RAD51: variants seen among roughly 807,000 people sequenced by gnomAD.
RAD51 encodes DNA repair protein RAD51 homolog 1.
Under a neutral mutation model 41.5 loss-of-function variants are expected in RAD51, and 14 were observed. That is an observed-to-expected ratio of 0.34 (90% CI 0.22 to 0.53). RAD51 has a LOEUF of 0.53. RAD51 is among the 20% of genes least tolerant of loss of function. The pLI is 0.95. For synonymous variants in RAD51, 136 were observed against 148.6 expected (o/e 0.92, Z 0.62); for missense variants, 234 against 422.0 (o/e 0.55, Z 3.90).
At chr15:40,717,395 A>G (rs1230371893) in intron 5 of RAD51, among the ~76,000 whole-genome samples, 2 of 152,176 alleles carry the variant, frequency 1.3e-5, no homozygotes, top group African/African-American at 4.8e-5. Flanking sequence ...AAAATGTTCT[A>G]AAGGATTTTC....
chr15:40,729,693 C>A (rs1273360575), intron 8 of RAD51, 59 bp downstream of exon 8: 1 of 1,612,254 alleles, frequency 6.2e-7, no homozygotes, highest in South Asian at 1.1e-5. Flanking sequence ...ATTCCAGGAG[C>A]CTTGCTAGGA....
intron 1 of RAD51, among the ~76,000 whole-genome samples, chr15:40,697,258 G>C (rs577326479): frequency 7.9e-5 from 12 of 152,100 alleles, no homozygotes; most frequent in East Asian, 3.9e-4. Context: ...GTGCCACCAC[G>C]CCCAGCTAAT....
At chr15:40,697,813 A>C (rs45559631) in intron 1 of RAD51, among the ~76,000 whole-genome samples, 17,220 of 152,142 alleles carry the variant, frequency 0.11, 1,183 homozygotes, top group African/African-American at 0.2. Flanking sequence ...GGCCTCCCAA[A>C]GTGCTGGGAT....
chr15:40,725,045 G>A (rs1366971141), intron 6 of RAD51, among the ~76,000 whole-genome samples: 8 of 150,738 alleles, frequency 5.3e-5, no homozygotes, highest in African/African-American at 1.2e-4. Context: ...GACTACAGGC[G>A]CCCGCCACCG....
At chr15:40,708,639 A>G (rs963345499) in intron 4 of RAD51, among the ~76,000 whole-genome samples, 3 of 152,170 alleles carry the variant, frequency 2.0e-5, no homozygotes, top group Admixed American at 6.5e-5. Flanking sequence ...GCTAGAGTGC[A>G]CTGGCACGAT....
At chr15:40,721,312 A>G (rs1031216636) in intron 6 of RAD51, among the ~76,000 whole-genome samples, 7 of 152,218 alleles carry the variant, frequency 4.6e-5, no homozygotes, top group African/African-American at 9.6e-5. Context: ...TGGAAATGCA[A>G]AGGACCCAGA....
At chr15:40,727,480 T>G (rs755442441) in intron 6 of RAD51, among the ~76,000 whole-genome samples, 3 of 151,936 alleles carry the variant, frequency 2.0e-5, no homozygotes, top group Admixed American at 6.6e-5. Context: ...CCAACCCGGC[T>G]ACATTTTGTA....
chr15:40,713,327 C>T (rs1049607665), intron 5 of RAD51, among the ~76,000 whole-genome samples: 1 of 150,912 alleles, frequency 6.6e-6, no homozygotes, highest in Non-Finnish European at 1.5e-5. Flanking sequence ...TCACTGCAAC[C>T]TCCATCTCCT....
intron 9 of RAD51, among the ~76,000 whole-genome samples, chr15:40,730,581 G>C (rs1301680216): frequency 2.3e-5 from 3 of 131,300 alleles, no homozygotes; most frequent in Non-Finnish European, 4.6e-5. Context: ...GAGTGCAGTG[G>C]CACGATCTCG....
At chr15:40,705,905 C>T (rs1895306365) in intron 3 of RAD51, among the ~76,000 whole-genome samples, 2 of 152,088 alleles carry the variant, frequency 1.3e-5, no homozygotes, top group South Asian at 2.1e-4. Flanking sequence ...CGCACCCGGC[C>T]GGATCTATAA....
At chr15:40,726,855 A>T (rs879918891) in intron 6 of RAD51, among the ~76,000 whole-genome samples, 1 of 150,572 alleles carries the variant, frequency 6.6e-6, no homozygotes, top group Non-Finnish European at 1.5e-5. Context: ...GGAACTTGCA[A>T]TGAGCCGAGA....
chr15:40,719,933 TAAC>T (rs1896189300), intron 6 of RAD51, among the ~76,000 whole-genome samples: 1 of 151,998 alleles, frequency 6.6e-6, no homozygotes, highest in South Asian at 2.1e-4. Context: ...CACACACGCC[TAAC>T]AACAAAACCC....
chr15:40,712,927 G>A (rs556328045), intron 5 of RAD51, among the ~76,000 whole-genome samples: 7 of 133,478 alleles, frequency 5.2e-5, no homozygotes, highest in South Asian at 2.4e-4. Context: ...TGCCCAGGCT[G>A]TAGTGCAGTG....
At chr15:40,703,656 AGTCAGTAGTAAT>A (rs1371596234) in intron 3 of RAD51, among the ~76,000 whole-genome samples, 1 of 152,116 alleles carries the variant, frequency 6.6e-6, no homozygotes, top group Non-Finnish European at 1.5e-5. Context: ...ATTTACATAA[AGTCAGTAGTAAT>A]GTCCCCTCTT....
At chr15:40,724,161 C>T (rs1297162766) in intron 6 of RAD51, among the ~76,000 whole-genome samples, 2 of 152,112 alleles carry the variant, frequency 1.3e-5, no homozygotes. Flanking sequence ...TTGTCTCTGC[C>T]TACAAAATTC....
At position 40,695,279 on chromosome 15, in the gene RAD51, G is replaced by C. The variant is rs1017127653; in HGVS notation, c.-149G>C. The C allele has an allele frequency of 1.3e-5, 2 of 152,440 alleles. No homozygotes were observed. The highest frequency in any genetic ancestry group is 2.9e-5 in the Non-Finnish European group (2 of 68,194). The allele number at this position is 152,440 out of a possible 1,614,324, so 9.4% of individuals were successfully genotyped here. ...CAGCTGGGAACTGCAACTCATCTGG[G>C]TTGTGCGCAGAAGGCTGGGGCAAGC... On this transcript the variant is annotated 5_prime_UTR_variant, in exon 1 of 10. Transcript: ENST00000267868.
Position 40,728,808 on chromosome 15 carries a change from A to G in RAD51, c.628A>G (p.Met210Val). 6.2e-7 allele frequency: 1 copy of G among 1,612,798 alleles called. No homozygotes were observed. Among genetic ancestry groups the G allele is most frequent in the Non-Finnish European group, 8.5e-7 (1 of 1,178,750 alleles). Residue 210 changes from methionine to valine, a missense_variant, in exon 7 of 10, where the codon ATG (methionine) becomes GTG (valine). By Grantham distance (21) the Met-to-Val change is conservative. Around this residue, in one of 2 missense-constraint regions of RAD51, gnomAD observed 134 missense variants for 286.5 expected, o/e 0.47. Transcript: ENST00000267868. ...CCAGCTCCTTTATCAAGCATCAGCCATGATGGTAGAATCTAGGTATGTGTT... is the reference window on the plus strand; with the variant it reads ...CCAGCTCCTTTATCAAGCATCAGCCGTGATGGTAGAATCTAGGTATGTGTT... The part of the protein sequence containing the change: ...QTQLLYQASA[M>V]MVESRYALLI...
At chr15:40,730,355 A>AG (rs1305330156) in intron 9 of RAD51, among the ~76,000 whole-genome samples, 1 of 152,000 alleles carries the variant, frequency 6.6e-6, no homozygotes, top group Non-Finnish European at 1.5e-5. Flanking sequence ...TACAAAAAAA[A>AG]GTAGCTGGTG....
intron 6 of RAD51, 123 bp from the exon 7 acceptor site, chr15:40,728,588 T>G (rs1896709003): frequency 1.2e-6 from 1 of 836,950 alleles, no homozygotes; most frequent in East Asian, 2.4e-5. Context: ...CATTCTTTGG[T>G]CCTGAAACTA....
Sources: allele counts gnomAD v4.1 joint callset (sites outside exome capture counted in the v4.1 genomes callset), GRCh38; gene constraint gnomAD v4.1.1; regional missense constraint gnomAD v4.1.1; transcripts MANE v1.5; gene names NCBI Gene and HGNC (gene_info 2026-07-23, HGNC 2026-07-21).